ARHGAP10: variants seen among roughly 807,000 people sequenced by gnomAD.
ARHGAP10 encodes the protein Rho GTPase activating protein 10.
A neutral mutation model predicts 108.6 loss-of-function variants in ARHGAP10; 87 were observed. That is an observed-to-expected ratio of 0.80 (90% CI 0.67 to 0.96). ARHGAP10 has a LOEUF of 0.96. Ranked by LOEUF, ARHGAP10 falls within the 40% of genes least tolerant of loss-of-function variation. The pLI is 0.00. For missense variants in ARHGAP10, 939 were observed against 954.5 expected, an observed-to-expected ratio of 0.98 and a Z score of 0.21; for synonymous variants, 347 against 341.1, an observed-to-expected ratio of 1.02 and a Z score of -0.19.
At chr4:147,932,125 A>G (rs1462232202) in intron 13 of ARHGAP10, among the ~76,000 whole-genome samples, 1 of 152,226 alleles carries the variant, frequency 6.6e-6, no homozygotes, top group Non-Finnish European at 1.5e-5. Context: ...ATACCATCTC[A>G]AGCCAGTCAG....
At chr4:147,882,574 A>G (rs1357192304) in intron 10 of ARHGAP10, among the ~76,000 whole-genome samples, 1 of 152,196 alleles carries the variant, frequency 6.6e-6, no homozygotes, top group African/African-American at 2.4e-5. Context: ...AAGGGGTGAT[A>G]GGTAGCTAGC....
chr4:147,961,119 G>C (rs1043437824), intron 16 of ARHGAP10, among the ~76,000 whole-genome samples: 5 of 152,180 alleles, frequency 3.3e-5, no homozygotes, highest in Admixed American at 3.3e-4. Context: ...AGCTTTAGTA[G>C]ATAACTGCCA....
Position 148,072,402 on chromosome 4 carries a change from C to G in ARHGAP10, c.*321C>G. 1 of 291,376 alleles carries G rather than the reference C, an allele frequency of 3.4e-6. No individual in the cohort carries two copies. Among genetic ancestry groups the G allele is most frequent in the Non-Finnish European group, 6.3e-6 (1 of 157,500 alleles). 18.0% of individuals were successfully genotyped at this position (291,376 alleles called of 1,614,324 possible). ...GGCAGCCTTCTGCCACCTGTGTCGC[C>G]TCCACTGGCAGTCACGCCACCAGAG... On this transcript the variant is annotated 3_prime_UTR_variant, in exon 23 of 23. Transcript: ENST00000336498.
At chr4:147,967,159 C>T (rs1739235079) in intron 18 of ARHGAP10, among the ~76,000 whole-genome samples, 1 of 152,204 alleles carries the variant, frequency 6.6e-6, no homozygotes, top group Non-Finnish European at 1.5e-5. Context: ...ATTTCTCACT[C>T]AAATTCTGTG....
chr4:147,871,253 C>T (rs879863031), intron 7 of ARHGAP10, among the ~76,000 whole-genome samples: 2 of 151,876 alleles, frequency 1.3e-5, no homozygotes, highest in African/African-American at 4.8e-5. Flanking sequence ...CCACCACGTC[C>T]GGCCGTGTGT....
intron 10 of ARHGAP10, among the ~76,000 whole-genome samples, chr4:147,887,630 G>A (rs1388803297): frequency 1.3e-5 from 2 of 152,094 alleles, no homozygotes; most frequent in Non-Finnish European, 1.5e-5. Context: ...GGGAAGCCGA[G>A]GTGGGTGGAT....
At chr4:147,904,665 T>A (rs1736392563) in intron 10 of ARHGAP10, among the ~76,000 whole-genome samples, 1 of 152,254 alleles carries the variant, frequency 6.6e-6, no homozygotes, top group Non-Finnish European at 1.5e-5. Context: ...AAGTCTTTGC[T>A]ATTGTGAATA....
rs1739223577 is a variant in ARHGAP10, at chr4:147,966,855, TC to T, written c.1716+17del. Reference sequence around the variant, plus strand: ...CCATGAAAAGGTAAAATTTTTTTTTTCTTTAAGAGACTTTGTTTTCGGCTTG... The same window carrying T: ...CCATGAAAAGGTAAAATTTTTTTTTTTTTAAGAGACTTTGTTTTCGGCTTG... On this transcript the variant is annotated intron_variant, in intron 18 of 22. Transcript: ENST00000336498. The T allele has an allele frequency of 6.5e-7, 1 of 1,547,138 alleles. No individual in the cohort carries two copies. The highest frequency in any genetic ancestry group is 1.4e-5 in the African/African-American group (1 of 73,240).
chr4:147,849,297 T>C (rs1733764644), intron 4 of ARHGAP10, among the ~76,000 whole-genome samples: 1 of 151,780 alleles, frequency 6.6e-6, no homozygotes, highest in Non-Finnish European at 1.5e-5. Context: ...ATAAAGTATC[T>C]AATAAATAGC....
chr4:147,782,789 A>G (rs1164963059), intron 1 of ARHGAP10: 2 of 149,994 alleles, frequency 1.3e-5, no homozygotes, highest in Non-Finnish European at 3.0e-5. Context: ...TTAGTTTGAC[A>G]GCATTCCTGA....
chr4:147,846,323 A>G (rs1214808650), intron 3 of ARHGAP10, among the ~76,000 whole-genome samples: 2 of 152,172 alleles, frequency 1.3e-5, no homozygotes, highest in Non-Finnish European at 2.9e-5. Flanking sequence ...CACCTTTCTA[A>G]AAAGAGGGAT....
intron 5 of ARHGAP10, among the ~76,000 whole-genome samples, chr4:147,859,771 C>G (rs533318663): frequency 3.9e-5 from 6 of 152,164 alleles, no homozygotes; most frequent in Non-Finnish European, 8.8e-5. Flanking sequence ...GATGCTTGTA[C>G]AGTGAGCTGG....
intron 20 of ARHGAP10, among the ~76,000 whole-genome samples, chr4:148,054,204 C>T (rs1002293599): frequency 1.3e-5 from 2 of 152,282 alleles, no homozygotes; most frequent in East Asian, 3.9e-4. Context: ...AGTTCGAGAC[C>T]GTTTACATTG....
chr4:147,830,062 G>C (rs1579092036), intron 3 of ARHGAP10, among the ~76,000 whole-genome samples: 1 of 152,236 alleles, frequency 6.6e-6, no homozygotes, highest in East Asian at 1.9e-4. Flanking sequence ...GGAGATGTGA[G>C]GAAGTGTCTT....
In ARHGAP10 at chr4:147,865,126, C is replaced by T. The variant is rs78251381; in HGVS notation, c.597+170C>T. On this transcript the variant is annotated intron_variant, in intron 6 of 22. Coordinates refer to ENST00000336498, the MANE Select transcript of ARHGAP10 (RefSeq NM_024605.4). ...TAGCCATGAAGTCAAGGAATTGCCT[C>T]TAAATCAGTGGTTCTCAGCTGTATT... 6.4e-3 allele frequency: 3,820 copies of T among 592,522 alleles called. 101 individuals carry two copies. Among genetic ancestry groups the T allele is most frequent in the African/African-American group, 0.06 (3,199 of 53,084 alleles). The allele number at this position is 592,522 out of a possible 1,614,324, so 36.7% of individuals were successfully genotyped here. A position where few individuals can be genotyped will look rare whatever the true frequency, so the allele number is the denominator to read the frequency against.
At chr4:147,830,125 C>T (rs1267756692) in intron 3 of ARHGAP10, among the ~76,000 whole-genome samples, 1 of 152,262 alleles carries the variant, frequency 6.6e-6, no homozygotes, top group Non-Finnish European at 1.5e-5. Flanking sequence ...TTTGCCTATG[C>T]AGACTCTTCA....
At chr4:147,877,902 T>G (rs964236414) in intron 8 of ARHGAP10, among the ~76,000 whole-genome samples, 11 of 151,982 alleles carry the variant, frequency 7.2e-5, no homozygotes, top group African/African-American at 2.7e-4. Flanking sequence ...TTTTAGACCT[T>G]ACTGATTACA....
chr4:147,933,877 C>CT (rs1737805741), intron 13 of ARHGAP10, among the ~76,000 whole-genome samples: 1 of 152,080 alleles, frequency 6.6e-6, no homozygotes, highest in South Asian at 2.1e-4. Flanking sequence ...CATAGTAGGT[C>CT]TCAACATGAG....
chr4:148,050,518 C>T (rs1054194987), intron 20 of ARHGAP10, among the ~76,000 whole-genome samples: 8 of 151,898 alleles, frequency 5.3e-5, no homozygotes, highest in Non-Finnish European at 8.8e-5. Flanking sequence ...GTTCTACAGG[C>T]GCCCACCACC....
Sources: gnomAD v4.1 joint callset for allele counts (sites outside exome capture counted in the v4.1 genomes callset) on GRCh38, gnomAD v4.1.1 for gene constraint, MANE v1.5 for transcripts, NCBI Gene and HGNC (gene_info 2026-07-23, HGNC 2026-07-21) for gene names.